KAZN: variants seen among roughly 807,000 people sequenced by gnomAD.
The protein encoded by KAZN is kazrin, periplakin interacting protein.
In KAZN, 40 loss-of-function variants were observed where a neutral mutation model predicts 87.4. The observed-to-expected ratio is 0.46, with a 90% confidence interval of 0.36 to 0.60. The LOEUF (loss-of-function observed/expected upper bound fraction) is 0.60, where lower values mean the gene tolerates loss of function less well. KAZN is among the 20% of genes least tolerant of loss of function. The probability of loss-of-function intolerance (pLI) is 0.00; values close to 1 mark genes in which losing one functional copy is unlikely to be tolerated. For synonymous variants in KAZN, 466 were observed against 458.3 expected (o/e 1.02, Z -0.22); for missense variants, 898 against 1,073.9 (o/e 0.84, Z 2.29).
chr1:14,549,694 C>T (rs1673388590), intron 2 of KAZN, among the ~76,000 whole-genome samples: 1 of 149,786 alleles, frequency 6.7e-6, no homozygotes, highest in Non-Finnish European at 1.5e-5. Flanking sequence ...CCCACCTCCG[C>T]CCCCTGCCAT....
intron 1 of KAZN, among the ~76,000 whole-genome samples, chr1:14,899,374 T>C (rs1655607394): frequency 6.6e-6 from 1 of 152,142 alleles, no homozygotes; most frequent in East Asian, 1.9e-4. Context: ...TAAAACCTTT[T>C]CCCAGGGTTT....
intron 1 of KAZN, among the ~76,000 whole-genome samples, chr1:14,874,756 G>A (rs1031383745): frequency 1.3e-5 from 2 of 152,090 alleles, no homozygotes; most frequent in African/African-American, 4.8e-5. Flanking sequence ...ACATCTTCTG[G>A]TTTGATTATC....
chr1:14,891,448 T>C (rs1015034657), intron 1 of KAZN, among the ~76,000 whole-genome samples: 3 of 152,186 alleles, frequency 2.0e-5, no homozygotes, highest in Non-Finnish European at 2.9e-5. Context: ...CTTAGAATAA[T>C]AGTCTCCAAT....
intron 2 of KAZN, 61 bp downstream of exon 2, chr1:14,960,936 C>G: frequency 6.6e-7 from 1 of 1,509,488 alleles, no homozygotes; most frequent in South Asian, 1.3e-5. Context: ...GATCTGGAGT[C>G]CTCCCCATGC....
At chr1:14,067,438 C>T (rs757896002) in intron 1 of KAZN, among the ~76,000 whole-genome samples, 8 of 152,146 alleles carry the variant, frequency 5.3e-5, no homozygotes, top group Admixed American at 2.0e-4. Flanking sequence ...AGAAATAGAA[C>T]GACAGATTTC....
intron 2 of KAZN, among the ~76,000 whole-genome samples, chr1:14,383,282 G>C (rs1209305048): frequency 6.7e-6 from 1 of 149,244 alleles, no homozygotes; most frequent in African/African-American, 2.5e-5. Context: ...TCACTCTGAT[G>C]GTAGTTTCTT....
intron 2 of KAZN, among the ~76,000 whole-genome samples, chr1:14,522,494 T>C (rs879228346): frequency 3.9e-5 from 6 of 152,188 alleles, no homozygotes; most frequent in Admixed American, 3.9e-4. Flanking sequence ...AAAGGTTTCC[T>C]GCAAATCACG....
At chr1:14,340,381 G>GT (rs1657590612) in intron 2 of KAZN, among the ~76,000 whole-genome samples, 1 of 152,178 alleles carries the variant, frequency 6.6e-6, no homozygotes, top group Non-Finnish European at 1.5e-5. Context: ...GTAGGTCTCT[G>GT]TTTTTCTTAA....
At chr1:14,854,828 G>T (rs1649880411) in intron 1 of KAZN, among the ~76,000 whole-genome samples, 1 of 152,154 alleles carries the variant, frequency 6.6e-6, no homozygotes, top group Non-Finnish European at 1.5e-5. Context: ...GGGAAGGGAA[G>T]TATCTCTTTG....
rs113422647 is a variant in KAZN, at chr1:15,097,793, G to A, written c.1547+2860G>A. Among the ~76,000 whole-genome samples the A allele has an allele frequency of 8.7e-3, 1,325 of 152,150 alleles. 21 individuals are homozygous for A. Among genetic ancestry groups the A allele is most frequent in the African/African-American group, 0.031 (1,272 of 41,476 alleles). On this transcript the variant is annotated intron_variant, in intron 10 of 14. Transcript: ENST00000376030. The stretch of plus-strand genomic sequence containing the variant: ...AGACTGCATCATTACACTCCAGCCC[G>A]GGCGACAAGAATGAAACTCCGTCTG...
intron 1 of KAZN, among the ~76,000 whole-genome samples, chr1:14,937,380 TC>T (rs1660578588): frequency 6.6e-6 from 1 of 152,206 alleles, no homozygotes; most frequent in Non-Finnish European, 1.5e-5. Context: ...GTTTGTACTT[TC>T]CTGCCTTTCC....
chr1:14,424,117 A>T (rs915496594), intron 2 of KAZN, among the ~76,000 whole-genome samples: 1 of 152,206 alleles, frequency 6.6e-6, no homozygotes, highest in Non-Finnish European at 1.5e-5. Context: ...CCCAACTCAC[A>T]TAGTAAACTT....
intron 1 of KAZN, among the ~76,000 whole-genome samples, chr1:14,121,989 C>G (rs1168087974): frequency 6.6e-6 from 1 of 152,174 alleles, no homozygotes; most frequent in Admixed American, 6.5e-5. Context: ...GTGTAGAACA[C>G]AGTAGATGAG....
At chr1:14,222,282 C>T (rs574940095) in intron 2 of KAZN, among the ~76,000 whole-genome samples, 2 of 152,232 alleles carry the variant, frequency 1.3e-5, no homozygotes, top group East Asian at 3.9e-4. Flanking sequence ...CGGCCATGCC[C>T]GTGGGGAACT....
intron 2 of KAZN, among the ~76,000 whole-genome samples, chr1:14,348,491 G>C (rs1210963998): frequency 6.6e-6 from 1 of 152,210 alleles, no homozygotes; most frequent in African/African-American, 2.4e-5. Context: ...GATTTTCCAT[G>C]TGGTGGATTC....
At chr1:13,942,567 AAAAAATGTATAT>A (rs761934306) in intron 1 of KAZN, among the ~76,000 whole-genome samples, 9,559 of 143,460 alleles carry the variant, frequency 0.067, 526 homozygotes, top group Middle Eastern at 0.095. Context: ...AAAAAAAAAA[AAAAAATGTATAT>A]ATATAATTCA....
Position 13,952,375 on chromosome 1 carries a change from T to TATC in KAZN, c.91+58620_91+58621insTCA, listed in dbSNP as rs1254127566. 9.4e-5 allele frequency among the ~76,000 whole-genome samples: 11 copies of TATC among 116,622 alleles called. No homozygotes were observed. The East Asian group carries it at 2.6e-3, about 28-fold the overall frequency. The allele number at this position is 116,622 out of a possible 152,430, so 76.5% of individuals were successfully genotyped here. On this transcript the variant is annotated intron_variant, in intron 1 of 16. Coordinates refer to the KAZN transcript ENST00000636203. ...ATAATAATAATAATAATAATAATAA[T>TATC]AATATCAATATCTGCTCTTTTGGAT...
chr1:14,783,796 C>T (rs1169936483), intron 1 of KAZN, among the ~76,000 whole-genome samples: 3 of 152,032 alleles, frequency 2.0e-5, no homozygotes, highest in African/African-American at 2.4e-5. Flanking sequence ...AGGGCATGGG[C>T]GCACAAGAGA....
chr1:14,304,537 G>A (rs1654783665), intron 2 of KAZN: 1 of 397,986 alleles, frequency 2.5e-6, no homozygotes, highest in Non-Finnish European at 4.4e-6. Flanking sequence ...CCGTTCTGAG[G>A]AAGTTTGGTC....
Sources: allele counts gnomAD v4.1 joint callset (sites outside exome capture counted in the v4.1 genomes callset), GRCh38; gene constraint gnomAD v4.1.1; transcripts MANE v1.5; gene names NCBI Gene and HGNC (gene_info 2026-07-23, HGNC 2026-07-21).